The following MED23 variants were observed in gnomAD, a reference collection of about 807,000 sequenced individuals.
MED23 encodes the protein mediator complex subunit 23.
MED23 carries 105 observed loss-of-function variants against 163.9 expected under a neutral mutation model. The ratio of observed to expected loss-of-function variants is 0.64; its 90% CI spans 0.55 to 0.75. MED23 has a LOEUF of 0.75. Among genes scored for constraint, MED23 ranks in the 30% least tolerant of loss-of-function variants. The pLI is 0.00. For synonymous variants in MED23, 561 were observed against 565.6 expected (o/e 0.99, Z 0.12); for missense variants, 1,054 against 1,649.0 (o/e 0.64, Z 6.25).
intron 3 of MED23, chr6:131,626,822 T>C (rs1379221493): frequency 6.5e-6 from 1 of 153,910 alleles, no homozygotes; most frequent in African/African-American, 2.4e-5. Flanking sequence ...TCCCTACCTA[T>C]AGTGTACCAT....
chr6:131,627,560 T>A (rs1356914079), intron 2 of MED23, 77 bp from the exon 3 acceptor site: 19 of 1,591,702 alleles, frequency 1.2e-5, no homozygotes, highest in Non-Finnish European at 1.5e-5. Flanking sequence ...GTGGATCTTA[T>A]AACCTTCCAA....
Position 131,598,619 on chromosome 6 carries a change from AGAG to A in MED23, c.2360_2362del (p.Pro787del), listed in dbSNP as rs1775245776. ...CATTTTCCAGAGAAGACAAAGAAAGAGAGGAGGGGAGCCCTGCATAGAGAAGTG... is the reference window on the plus strand; with the variant it reads ...CATTTTCCAGAGAAGACAAAGAAAGAGAGGGGAGCCCTGCATAGAGAAGTG... On this transcript the variant is annotated inframe_deletion, in exon 19 of 29. Transcript: ENST00000368068. The surrounding 1 kb of genome is among the most constrained non-coding windows in gnomAD (Gnocchi z 4.7). 6.2e-7 allele frequency: 1 copy of A among 1,614,204 alleles called. No individual in the cohort carries two copies. Among genetic ancestry groups the A allele is most frequent in the African/African-American group, 1.3e-5 (1 of 75,070 alleles).
chr6:131,605,612 T>C (rs951702865), intron 13 of MED23, 127 bp from the exon 14 acceptor site: 33 of 904,888 alleles, frequency 3.6e-5, no homozygotes, highest in Middle Eastern at 3.4e-4. Context: ...ATAGGTATTA[T>C]AGTTTCTGTG....
rs1774749925 is a variant in MED23 at position 131,592,873 on chromosome 6, T to C, written c.3398+133A>G. The stretch of plus-strand genomic sequence containing the variant: ...ACTCCTATATCACAAAGACAAGATC[T>C]GGAACCAGAAAACAGTCATCATCCA... On this transcript the variant is annotated intron_variant, in intron 24 of 28. Coordinates refer to ENST00000368068, the MANE Select transcript of MED23 (RefSeq NM_004830.4). 3.6e-5 allele frequency: 39 copies of C among 1,072,174 alleles called. No homozygotes were observed. The South Asian group carries it at 5.2e-4, about 14-fold the overall frequency. 66.4% of individuals were successfully genotyped at this position (1,072,174 alleles called of 1,614,324 possible). A position where few individuals can be genotyped will look rare whatever the true frequency, so the allele number is the denominator to read the frequency against.
intron 14 of MED23, 42 bp from the exon 15 acceptor site, chr6:131,604,362 T>C: frequency 2.5e-6 from 4 of 1,601,672 alleles, no homozygotes; most frequent in Non-Finnish European, 3.4e-6. Context: ...TCCATATTTT[T>C]GACATAAACA....
At chr6:131,582,610 T>C (rs1375258538), downstream of MED23, 2 of 1,606,994 alleles carry the variant, frequency 1.2e-6, no homozygotes, top group African/African-American at 1.3e-5. Flanking sequence ...GTGAAAACAT[T>C]GTAATTTTAG....
chr6:131,606,378 C>T (rs1025827154), intron 13 of MED23, 101 bp downstream of exon 13: 47 of 1,274,166 alleles, frequency 3.7e-5, no homozygotes, highest in East Asian at 1.2e-4. Flanking sequence ...AGTGGGTATG[C>T]GGAGATTTCC....
chr6:131,592,789 A>G, intron 24 of MED23: 1 of 619,022 alleles, frequency 1.6e-6, no homozygotes, highest in Admixed American at 2.9e-5. Context: ...AACTGCTATT[A>G]ATGAGTAGAA....
Position 131,606,345 on chromosome 6 carries a change from A to G in MED23, c.1367+134T>C, listed in dbSNP as rs1443593314. 4.9e-6 allele frequency: 4 copies of G among 811,426 alleles called. No homozygotes were observed. In the Admixed American group the frequency reaches 8.3e-5, roughly 17 times the overall value. 50.3% of individuals were successfully genotyped at this position (811,426 alleles called of 1,614,324 possible). A position where few individuals can be genotyped will look rare whatever the true frequency, so the allele number is the denominator to read the frequency against. ...CAGATTCTCCTGCTATGACATATAC[A>G]TCAAGTATTTGCCCTTACCTATAGT... is the stretch of plus-strand genomic sequence containing the variant. On this transcript the variant is annotated intron_variant, in intron 13 of 28. Transcript: ENST00000368068.
Position 131,605,469 on chromosome 6 carries a change from G to C in MED23, c.1384C>G (p.Leu462Val). 1 of 1,598,746 alleles carries C rather than the reference G, an allele frequency of 6.3e-7. No individual in the cohort carries two copies. The highest frequency in any genetic ancestry group is 8.5e-7 in the Non-Finnish European group (1 of 1,171,510). The change falls in exon 14 of 29, where the codon CTA becomes GTA. Residue 462 changes from leucine (L) to valine (V), a missense_variant. This residue lies in a region of MED23 where 39 missense variants were observed against 50.5 expected (regional missense o/e 0.77). Coordinates refer to ENST00000368068, the MANE Select transcript of MED23 (RefSeq NM_004830.4). ...RLHHEFLQQS[L>V]RNKSLQMNDY... The stretch of plus-strand genomic sequence containing the variant: ...TTCATCTGTAAACTTTTATTTCTTA[G>C]ACTCTGCTGCAGGAACCTAAATATT...
chr6:131,623,324 T>A, intron 5 of MED23, 27 bp downstream of exon 5: 4 of 1,557,234 alleles, frequency 2.6e-6, no homozygotes, highest in Non-Finnish European at 3.5e-6. Context: ...CTGAAAGCAA[T>A]CACTTTTTAT....
downstream of MED23, among the ~76,000 whole-genome samples, chr6:131,586,199 C>T (rs559714790): frequency 3.0e-4 from 46 of 152,056 alleles, no homozygotes; most frequent in Non-Finnish European, 3.2e-4. Context: ...TTGAGACCAT[C>T]CTGGCTAACA....
downstream of MED23, chr6:131,583,176 TTG>T (rs780037543): frequency 6.2e-6 from 10 of 1,610,246 alleles, no homozygotes; most frequent in South Asian, 9.9e-5. Context: ...TAGGATTCTT[TTG>T]TGTGTGCACA....
At chr6:131,602,497 AC>A in intron 16 of MED23, 116 bp from the exon 17 acceptor site, 1 of 930,222 alleles carries the variant, frequency 1.1e-6, no homozygotes, top group Non-Finnish European at 1.6e-6. Context: ...CTTTAAAAAA[AC>A]ACTTTTGTGT....
chr6:131,596,218 A>T, intron 21 of MED23, 55 bp from the exon 22 acceptor site: 4 of 1,451,634 alleles, frequency 2.8e-6, no homozygotes, highest in Non-Finnish European at 2.9e-6. Context: ...AAATTCTCTT[A>T]AAAGAGCTAA....
intron 4 of MED23, among the ~76,000 whole-genome samples, chr6:131,624,560 T>G (rs1278250796): frequency 6.6e-6 from 1 of 152,176 alleles, no homozygotes; most frequent in Non-Finnish European, 1.5e-5. Context: ...TTTTAAAACC[T>G]GAGTATTACT....
At chr6:131,614,412 C>A (rs1234517593) in intron 10 of MED23, among the ~76,000 whole-genome samples, 2 of 152,122 alleles carry the variant, frequency 1.3e-5, no homozygotes, top group Non-Finnish European at 2.9e-5. Context: ...TTTATATAAC[C>A]TAGACAAGAA....
At chr6:131,580,376 C>T (rs752749136) in intron 30 of MED23, among the ~76,000 whole-genome samples, 96 of 152,158 alleles carry the variant, frequency 6.3e-4, no homozygotes, top group Admixed American at 9.8e-4. Context: ...CATACCTGAA[C>T]GTTAAGGCAT....
At chr6:131,610,318 C>T (rs1411587297) in intron 10 of MED23, 72 bp from the exon 11 acceptor site, 1 of 1,425,084 alleles carries the variant, frequency 7.0e-7, no homozygotes, top group African/African-American at 1.4e-5. Flanking sequence ...AGTTAATGGG[C>T]ATTAATTGTA....
Sources: allele counts gnomAD v4.1 joint callset (sites outside exome capture counted in the v4.1 genomes callset), GRCh38; gene constraint gnomAD v4.1.1; regional missense constraint gnomAD v4.1.1; non-coding constraint Gnocchi (gnomAD v3.1); transcripts MANE v1.5; gene names NCBI Gene and HGNC (gene_info 2026-07-23, HGNC 2026-07-21).